The following DLGAP2 variants were observed in gnomAD, a reference collection of about 807,000 sequenced individuals.
DLGAP2 encodes the protein disks large-associated protein 2.
In DLGAP2, 26 loss-of-function variants were observed where a neutral mutation model predicts 100.3. The ratio of observed to expected loss-of-function variants is 0.26; its 90% confidence interval spans 0.19 to 0.36. The LOEUF (loss-of-function observed/expected upper bound fraction) is 0.36, where lower values mean the gene tolerates loss of function less well. Ranked by LOEUF, DLGAP2 falls within the 10% of genes least tolerant of loss-of-function variation. The pLI, the probability that DLGAP2 is intolerant of heterozygous loss-of-function variation, is 1.00. For synonymous variants in DLGAP2, 886 were observed against 630.1 expected, an observed-to-expected ratio of 1.41 and a Z score of -6.08; for missense variants, 1,858 against 1,453.2, an observed-to-expected ratio of 1.28 and a Z score of -4.53.
chr8:1,587,617 G>C (rs555689691), intron 6 of DLGAP2, among the ~76,000 whole-genome samples: 247 of 152,160 alleles, frequency 1.6e-3, no homozygotes, highest in African/African-American at 5.4e-3. Flanking sequence ...CAGCAATTTT[G>C]ACTTTGATTT....
chr8:1,548,148 TCA>T (rs1171440596), intron 4 of DLGAP2, among the ~76,000 whole-genome samples: 2 of 152,088 alleles, frequency 1.3e-5, no homozygotes, highest in African/African-American at 4.8e-5. Flanking sequence ...TCTCCACTCC[TCA>T]CACTTTGCGA....
intron 2 of DLGAP2, among the ~76,000 whole-genome samples, chr8:1,033,925 A>T (rs13251001): frequency 8.0e-4 from 15 of 18,700 alleles, no homozygotes; most frequent in South Asian, 2.3e-3. Context: ...TCCCGACCCC[A>T]TGTGTCACCG....
intron 3 of DLGAP2, among the ~76,000 whole-genome samples, chr8:1,305,101 G>T (rs1402060904): frequency 6.6e-6 from 1 of 152,358 alleles, no homozygotes; most frequent in Non-Finnish European, 1.5e-5. Context: ...CACCAGAGTA[G>T]CCTGGGCTTT....
In DLGAP2 at chr8:1,626,866, C is replaced by G. The variant is rs1007460943; in HGVS notation, c.1569C>G (p.Ser523Arg). ...ACATGAGGGCCGTCAGCACCCTGAG[C>G]CAGGCCAGCTGCGTGAGCCAGGTCA... ...QSYMRAVSTL[S>R]QASCVSQVSE... Residue 523 changes from serine (S) to arginine (R), a missense_variant, in exon 7 of 15, where the codon AGC becomes AGG. Ser to Arg is a moderately radical substitution (Grantham distance 110, BLOSUM62 -1). Transcript: ENST00000637795. 1 of 1,604,816 alleles carries G rather than the reference C, an allele frequency of 6.2e-7. No individual in the cohort carries two copies.
In DLGAP2 at chr8:1,136,457, G is replaced by T. The variant is rs1031732506; in HGVS notation, c.74-122394G>T. On this transcript the variant is annotated intron_variant, in intron 2 of 14. Coordinates refer to ENST00000637795, the MANE Select transcript of DLGAP2 (RefSeq NM_001346810.2). ...AGCTCTCTGGCTCCCCATACAGGCC[G>T]GGGTGGATGCCCTCCTCATCGTCAG... Among the ~76,000 whole-genome samples, 18 of 152,128 alleles carry T rather than the reference G, an allele frequency of 1.2e-4. 1 individual carries two copies. Among genetic ancestry groups the T allele is most frequent in the African/African-American group, 3.9e-4 (16 of 41,440 alleles).
chr8:1,211,136 T>C (rs1463925650), intron 2 of DLGAP2, among the ~76,000 whole-genome samples: 1 of 152,214 alleles, frequency 6.6e-6, no homozygotes, highest in Non-Finnish European at 1.5e-5. Flanking sequence ...TGTTCCGTGG[T>C]TTTGCAACAT....
At chr8:1,416,342 G>T (rs894322330) in intron 3 of DLGAP2, among the ~76,000 whole-genome samples, 1 of 152,200 alleles carries the variant, frequency 6.6e-6, no homozygotes, top group Non-Finnish European at 1.5e-5. Flanking sequence ...GTCCGCCTTC[G>T]TATTTCAGAC....
intron 3 of DLGAP2, among the ~76,000 whole-genome samples, chr8:1,344,889 G>C (rs891340804): frequency 6.6e-6 from 1 of 152,120 alleles, no homozygotes; most frequent in Admixed American, 6.5e-5. Context: ...CCTCCCTCCT[G>C]GACCGAAATA....
intron 1 of DLGAP2, among the ~76,000 whole-genome samples, chr8:770,615 C>T (rs187868140): frequency 6.6e-6 from 1 of 152,150 alleles, no homozygotes; most frequent in South Asian, 2.1e-4. Flanking sequence ...TAAGCATGCA[C>T]CTCTGTCCTG....
intron 1 of DLGAP2, among the ~76,000 whole-genome samples, chr8:846,666 G>T (rs569659577): frequency 2.0e-5 from 3 of 152,304 alleles, no homozygotes; most frequent in African/African-American, 7.2e-5. Context: ...AGGATTGCTG[G>T]ATCATATGGT....
intron 2 of DLGAP2, among the ~76,000 whole-genome samples, chr8:1,216,805 C>T (rs1389939747): frequency 2.0e-5 from 3 of 152,138 alleles, no homozygotes; most frequent in African/African-American, 7.2e-5. Flanking sequence ...ATGAAGTGAA[C>T]AGTAGTAACC....
intron 1 of DLGAP2, among the ~76,000 whole-genome samples, chr8:834,929 G>C (rs776975939): frequency 1.3e-5 from 2 of 152,172 alleles, no homozygotes; most frequent in Non-Finnish European, 2.9e-5. Flanking sequence ...ACCCAAGCAA[G>C]GCTGTCACAT....
chr8:864,510 C>A (rs1797453719), intron 1 of DLGAP2, among the ~76,000 whole-genome samples: 1 of 152,110 alleles, frequency 6.6e-6, no homozygotes, highest in Admixed American at 6.6e-5. Flanking sequence ...TCTGGGACAT[C>A]TTTTGGCCAG....
chr8:839,978 G>A (rs914493748), intron 1 of DLGAP2, among the ~76,000 whole-genome samples: 2 of 151,032 alleles, frequency 1.3e-5, no homozygotes, highest in East Asian at 2.0e-4. Context: ...TTGTGTGAGC[G>A]CGTCCACACG....
At chr8:1,320,344 C>G (rs149186952) in intron 3 of DLGAP2, among the ~76,000 whole-genome samples, 11 of 152,042 alleles carry the variant, frequency 7.2e-5, no homozygotes, top group Non-Finnish European at 1.3e-4. Flanking sequence ...GGCCAGGACT[C>G]GAGGGAACCG....
At chr8:1,242,849 C>CG (rs1161007219) in intron 2 of DLGAP2, among the ~76,000 whole-genome samples, 8 of 151,646 alleles carry the variant, frequency 5.3e-5, no homozygotes, top group Non-Finnish European at 1.2e-4. Flanking sequence ...GGTGGACGGA[C>CG]GGGCAGATGG....
intron 3 of DLGAP2, among the ~76,000 whole-genome samples, chr8:1,374,866 C>A (rs1027599831): frequency 1.3e-5 from 2 of 152,150 alleles, no homozygotes; most frequent in African/African-American, 4.8e-5. Context: ...GCCGCACGGC[C>A]TGGCACTTCG....
intron 12 of DLGAP2, among the ~76,000 whole-genome samples, chr8:1,683,856 ATGTG>A (rs10583520): frequency 0.058 from 3,573 of 61,912 alleles, 293 homozygotes; most frequent in Middle Eastern, 0.067. Flanking sequence ...ATATATATAT[ATGTG>A]TGTGTGTGTG....
intron 2 of DLGAP2, among the ~76,000 whole-genome samples, chr8:1,184,262 T>C (rs1212350598): frequency 6.6e-6 from 1 of 152,220 alleles, no homozygotes; most frequent in East Asian, 1.9e-4. Flanking sequence ...ATATGAAGCA[T>C]TTGTGATTTA....
Sources: allele counts gnomAD v4.1 joint callset (sites outside exome capture counted in the v4.1 genomes callset), GRCh38; gene constraint gnomAD v4.1.1; transcripts MANE v1.5; gene names NCBI Gene and HGNC (gene_info 2026-07-23, HGNC 2026-07-21).